The following INPP4B variants were observed in gnomAD, a reference collection of about 807,000 sequenced individuals.
The protein encoded by INPP4B is inositol polyphosphate-4-phosphatase type II B, also known as inositol polyphosphate 4-phosphatase type II.
A neutral mutation model predicts 122.5 loss-of-function variants in INPP4B; 55 were observed. The observed-to-expected ratio is 0.45, with a 90% CI of 0.36 to 0.56. The LOEUF (loss-of-function observed/expected upper bound fraction) is 0.56, where lower values mean the gene tolerates loss of function less well. Among genes scored for constraint, INPP4B ranks in the 20% least tolerant of loss-of-function variants. The pLI, the probability that INPP4B is intolerant of heterozygous loss-of-function variation, is 0.00. For synonymous variants in INPP4B, 403 were observed against 388.7 expected (o/e 1.04, Z -0.43); for missense variants, 1,000 against 1,097.7 (o/e 0.91, Z 1.26).
chr4:142,147,721 C>A (rs1468279219), intron 17 of INPP4B, among the ~76,000 whole-genome samples: 1 of 152,194 alleles, frequency 6.6e-6, no homozygotes, highest in East Asian at 1.9e-4. Context: ...AGGAAGTACT[C>A]TATTAACCAC....
rs1159302851 is a variant in INPP4B at position 142,581,880 on chromosome 4, A to C, written c.-190-119154T>G. 3.3e-5 allele frequency among the ~76,000 whole-genome samples: 5 copies of C among 152,152 alleles called. No individual in the cohort carries two copies. The East Asian group carries it at 7.8e-4, about 24-fold the overall frequency. Reference sequence around the variant, plus strand: ...ATGGGGCTGTAGATGCTATTTAGAAAGTACAAGAGGTAATGGCTGGCATGA... The same window carrying C: ...ATGGGGCTGTAGATGCTATTTAGAACGTACAAGAGGTAATGGCTGGCATGA... On this transcript the variant is annotated intron_variant, in intron 2 of 25. Transcript: ENST00000262992.
chr4:142,793,502 G>T (rs1033799251), intron 1 of INPP4B, among the ~76,000 whole-genome samples: 3 of 152,036 alleles, frequency 2.0e-5, no homozygotes, highest in Admixed American at 6.6e-5. Context: ...AGCAGCTAGG[G>T]TTCAAGCCCT....
intron 7 of INPP4B, among the ~76,000 whole-genome samples, chr4:142,379,304 C>A (rs1253649112): frequency 1.3e-5 from 2 of 152,130 alleles, no homozygotes; most frequent in Admixed American, 6.6e-5. Flanking sequence ...TGAGCAGCTG[C>A]AACCTCAGCA....
rs762812612 is a variant in INPP4B, at chr4:142,027,712, ATTTT to A, written c.*1066_*1069del. ...TTGAATACTGGTATTATACAAGATG[ATTTT>A]TTTAAGGAAACTTCTACTTTGGGAT... On this transcript the variant is annotated 3_prime_UTR_variant, in exon 26 of 26. Coordinates refer to ENST00000262992, the MANE Select transcript of INPP4B (RefSeq NM_001101669.3). The A allele has an allele frequency of 2.6e-5, 4 of 152,600 alleles. No homozygotes were observed. Among genetic ancestry groups the A allele is most frequent in the Non-Finnish European group, 4.4e-5 (3 of 68,270 alleles). 9.5% of individuals were successfully genotyped at this position (152,600 alleles called of 1,614,324 possible).
intron 2 of INPP4B, among the ~76,000 whole-genome samples, chr4:142,685,292 A>C (rs969363244): frequency 1.4e-5 from 2 of 147,484 alleles, no homozygotes; most frequent in Non-Finnish European, 3.0e-5. Flanking sequence ...CATTTTATAG[A>C]TCCTCGTTGA....
intron 2 of INPP4B, among the ~76,000 whole-genome samples, chr4:142,573,156 A>T (rs970989843): frequency 2.0e-5 from 3 of 151,926 alleles, no homozygotes; most frequent in Admixed American, 6.6e-5. Context: ...GCAAGAGCTA[A>T]GGGGGAAAGT....
At chr4:142,510,962 A>C (rs766677849) in intron 2 of INPP4B, among the ~76,000 whole-genome samples, 1 of 152,130 alleles carries the variant, frequency 6.6e-6, no homozygotes, top group Non-Finnish European at 1.5e-5. Flanking sequence ...TTGTTTCTTC[A>C]GATAGACTTG....
intron 2 of INPP4B, among the ~76,000 whole-genome samples, chr4:142,538,722 G>C (rs1357697906): frequency 6.6e-6 from 1 of 152,020 alleles, no homozygotes; most frequent in Non-Finnish European, 1.5e-5. Context: ...TAAGTAGTGG[G>C]TATTTACATG....
chr4:142,402,756 A>G (rs1433315403), intron 7 of INPP4B, among the ~76,000 whole-genome samples, 182 bp downstream of exon 7: 3 of 152,188 alleles, frequency 2.0e-5, no homozygotes, highest in Admixed American at 2.0e-4. Flanking sequence ...TTTGCTCCTA[A>G]CCAATTGCCA....
intron 7 of INPP4B, among the ~76,000 whole-genome samples, chr4:142,390,076 G>A (rs1012840539): frequency 6.6e-6 from 1 of 152,100 alleles, no homozygotes; most frequent in African/African-American, 2.4e-5. Context: ...GCACTGATCT[G>A]CTCTTTCACA....
chr4:142,761,660 T>C (rs1452560329), intron 1 of INPP4B, among the ~76,000 whole-genome samples: 1 of 152,166 alleles, frequency 6.6e-6, no homozygotes, highest in Non-Finnish European at 1.5e-5. Flanking sequence ...CAAGCACTTG[T>C]GATATTTGTT....
intron 25 of INPP4B, among the ~76,000 whole-genome samples, chr4:142,062,323 G>C (rs1761393722): frequency 6.6e-6 from 1 of 150,440 alleles, no homozygotes; most frequent in Non-Finnish European, 1.5e-5. Flanking sequence ...CATCATACCA[G>C]GGAGAATCAC....
intron 9 of INPP4B, among the ~76,000 whole-genome samples, chr4:142,273,276 A>G (rs1369420802): frequency 6.6e-6 from 1 of 151,960 alleles, no homozygotes; most frequent in African/African-American, 2.4e-5. Context: ...CAGTAGCAGC[A>G]AAACCAGAAT....
rs570703001 is a variant in INPP4B, at chr4:142,221,389, CAAAAAAA to C, written c.837-12370_837-12364del. On this transcript the variant is annotated intron_variant, in intron 12 of 25. Transcript: ENST00000262992. ...TGGGTGACAGAGCAAGACTCCTTCTCAAAAAAAAAAAAAAAAAAAAAAAAAAGAAATA... is the reference window on the plus strand; with the variant it reads ...TGGGTGACAGAGCAAGACTCCTTCTCAAAAAAAAAAAAAAAAAAAGAAATA... 1.6e-3 allele frequency among the ~76,000 whole-genome samples: 46 copies of C among 28,552 alleles called. 1 individual carries two copies. The highest frequency in any genetic ancestry group is 1.9e-3 in the Non-Finnish European group (32 of 16,472). The allele number at this position is 28,552 out of a possible 152,430, so 18.7% of individuals were successfully genotyped here.
At chr4:142,459,303 AAAC>A (rs1560681378) in intron 3 of INPP4B, among the ~76,000 whole-genome samples, 1 of 152,112 alleles carries the variant, frequency 6.6e-6, no homozygotes, top group East Asian at 1.9e-4. Flanking sequence ...AAAAAAAAAA[AAAC>A]AAAGGTGATA....
intron 16 of INPP4B, among the ~76,000 whole-genome samples, chr4:142,165,624 C>G (rs564433771): frequency 6.6e-6 from 1 of 151,868 alleles, no homozygotes; most frequent in Non-Finnish European, 1.5e-5. Context: ...AATCCAGTAT[C>G]TTAACTCAGC....
At chr4:142,115,440 C>T (rs1792664451) in intron 21 of INPP4B, among the ~76,000 whole-genome samples, 1 of 152,096 alleles carries the variant, frequency 6.6e-6, no homozygotes, top group Non-Finnish European at 1.5e-5. Context: ...AAAGGGAAGC[C>T]CATCAGACTA....
intron 25 of INPP4B, among the ~76,000 whole-genome samples, chr4:142,063,025 A>G (rs1170167219): frequency 2.0e-5 from 3 of 152,208 alleles, no homozygotes; most frequent in Admixed American, 2.0e-4. Flanking sequence ...ATTGGTTCCA[A>G]TGGAGACATA....
intron 9 of INPP4B, among the ~76,000 whole-genome samples, chr4:142,284,121 T>C (rs148956578): frequency 6.6e-6 from 1 of 151,832 alleles, no homozygotes; most frequent in African/African-American, 2.4e-5. Context: ...GTAATAGGAA[T>C]GAAAACCTGA....
Sources: allele counts gnomAD v4.1 joint callset (sites outside exome capture counted in the v4.1 genomes callset), GRCh38; gene constraint gnomAD v4.1.1; transcripts MANE v1.5; gene names NCBI Gene and HGNC (gene_info 2026-07-23, HGNC 2026-07-21).